Variants in ZNF227 observed in about 807,000 individuals in gnomAD.
The protein encoded by ZNF227 is zinc finger protein 227.
ZNF227 carries 12 observed loss-of-function variants against 13.2 expected under a neutral mutation model. The ratio of observed to expected loss-of-function variants is 0.91; its 90% confidence interval spans 0.58 to 1.47. The LOEUF is 1.47. Among genes scored for constraint, ZNF227 ranks in the 40% most tolerant of loss-of-function variants. The probability of loss-of-function intolerance (pLI) is 0.00; values close to 1 mark genes in which losing one functional copy is unlikely to be tolerated. For synonymous variants in ZNF227, 338 were observed against 326.0 expected (o/e 1.04, Z -0.40); for missense variants, 885 against 967.5 (o/e 0.91, Z 1.13).
At chr19:44,209,722 G>T (rs989094323), upstream of ZNF227, among the ~76,000 whole-genome samples, 1 of 152,178 alleles carries the variant, frequency 6.6e-6, no homozygotes, top group Admixed American at 6.5e-5. Flanking sequence ...GAGTAGCTGG[G>T]ACTACAGGCG....
At chr19:44,232,962 TGCCTG>T (rs531557803) in intron 5 of ZNF227, among the ~76,000 whole-genome samples, 42 of 152,250 alleles carry the variant, frequency 2.8e-4, no homozygotes, top group Non-Finnish European at 5.0e-4. Context: ...TGAGCCACTG[TGCCTG>T]GCCTGTAAAT....
At chr19:44,211,926 C>T (rs1272758752), upstream of ZNF227, among the ~76,000 whole-genome samples, 1 of 135,844 alleles carries the variant, frequency 7.4e-6, no homozygotes, top group Non-Finnish European at 1.5e-5. Context: ...GACAGAGTCT[C>T]ACTCTGTCGC....
At position 44,236,367 on chromosome 19, in the gene ZNF227, G is replaced by GTCTTCAA. The variant is rs1203855190; in HGVS notation, c.1940_1946dup (p.His650SerfsTer16). 1 of 1,613,752 alleles carries GTCTTCAA rather than the reference G, an allele frequency of 6.2e-7. No individual in the cohort carries two copies. The highest frequency in any genetic ancestry group is 8.5e-7 in the Non-Finnish European group (1 of 1,179,924). On this transcript the variant is annotated frameshift_variant, in exon 6 of 6. Transcript: ENST00000313040. LOFTEE classifies it low-confidence loss of function (END_TRUNC). Reference sequence around the variant, plus strand: ...GGTAAGGGCTTCAGTCAGTCCTCTGGTCTTCAATCCCATCAGAGAGTCCAC... The same window carrying GTCTTCAA: ...GGTAAGGGCTTCAGTCAGTCCTCTGGTCTTCAATCTTCAATCCCATCAGAGAGTCCAC...
In ZNF227 at chr19:44,235,643, G is replaced by A; in HGVS notation, c.1213G>A (p.Glu405Lys). The part of the protein sequence containing the change: ...LRVHQRVHRG[E>K]KPYKCEECGK... ...TGTTCACCAGAGGGTCCACAGGGGT[G>A]AGAAGCCCTATAAATGTGAGGAATG... The change falls in exon 6 of 6, where the codon GAG (glutamate) becomes AAG (lysine). Residue 405 changes from glutamate (E) to lysine (K), a missense_variant. Transcript: ENST00000313040. 6.2e-6 allele frequency: 10 copies of A among 1,614,152 alleles called. No homozygotes were observed. Among genetic ancestry groups the A allele is most frequent in the Non-Finnish European group, 8.5e-6 (10 of 1,180,038 alleles).
rs750175765 is a variant in ZNF227, at chr19:44,236,630, C to T, written c.2200C>T (p.His734Tyr). 2.5e-6 allele frequency: 4 copies of T among 1,613,988 alleles called. No homozygotes were observed. The highest frequency in any genetic ancestry group is 3.4e-6 in the Non-Finnish European group (4 of 1,180,016). ...AFSLPSNLRV[H>Y]LGVHTREKLF... The stretch of plus-strand genomic sequence containing the variant: ...CAGTCTCCCCTCAAATCTTCGAGTC[C>T]ACCTGGGTGTTCACACCAGGGAAAA... The change falls in exon 6 of 6, where the codon CAC becomes TAC. Residue 734 changes from histidine (H) to tyrosine (Y), a missense_variant. Coordinates refer to ENST00000313040, the MANE Select transcript of ZNF227 (RefSeq NM_182490.3).
chr19:44,231,300 A>G (rs1338975604), intron 5 of ZNF227, among the ~76,000 whole-genome samples: 1 of 151,864 alleles, frequency 6.6e-6, no homozygotes, highest in East Asian at 1.9e-4. Flanking sequence ...TTTTTAATAG[A>G]GATGGGGTTT....
chr19:44,234,708 A>C lies in ZNF227; in HGVS notation c.278A>C (p.Lys93Thr), dbSNP rs1179980466. 1 of 1,580,442 alleles carries C rather than the reference A, an allele frequency of 6.3e-7. No individual in the cohort carries two copies. The highest frequency in any genetic ancestry group is 1.4e-5 in the African/African-American group (1 of 72,854). Residue 93 changes from lysine (K) to threonine (T), a missense_variant, in exon 6 of 6, where the codon AAG becomes ACG. Transcript: ENST00000313040. ...MMETETQRSS[K>T]HQNKMETLQK... ...CTTTTTTCTTTTTTAATAGGCAGCA[A>C]GCATCAAAATAAGATGGAAACACTC...
chr19:44,235,986 G>A lies in ZNF227; in HGVS notation c.1556G>A (p.Arg519Gln), dbSNP rs781512593. 1.4e-5 allele frequency: 23 copies of A among 1,611,730 alleles called. No homozygotes were observed. Among genetic ancestry groups the A allele is most frequent in the Non-Finnish European group, 1.8e-5 (21 of 1,179,576 alleles). Residue 519 changes from arginine to glutamine, a missense_variant, in exon 6 of 6, where the codon CGA (arginine) becomes CAA (glutamine). By Grantham distance (43) the Arg-to-Gln change is conservative. Coordinates refer to ENST00000313040, the MANE Select transcript of ZNF227 (RefSeq NM_182490.3). ...VHQNVHTGEKRFKCETCGKGF... is the reference protein window; with the variant it reads ...VHQNVHTGEKQFKCETCGKGF... The stretch of plus-strand genomic sequence containing the variant: ...CAGAATGTCCACACTGGGGAGAAAC[G>A]ATTCAAGTGTGAAACGTGTGGGAAG...
rs760177795 is a variant in ZNF227, at chr19:44,235,365, A to G, written c.935A>G (p.His312Arg). ...SGDCFNKSSF[H>R]SYQSNHTGEK... ...GATTGCTTCAATAAGAGCTCTTTTC[A>G]TTCTTATCAATCTAATCATACAGGA... Residue 312 changes from histidine to arginine, a missense_variant, in exon 6 of 6, where the codon CAT becomes CGT. Coordinates refer to ENST00000313040, the MANE Select transcript of ZNF227 (RefSeq NM_182490.3). 6 of 1,614,120 alleles carry G rather than the reference A, an allele frequency of 3.7e-6. No individual in the cohort carries two copies. The highest frequency in any genetic ancestry group is 5.1e-6 in the Non-Finnish European group (6 of 1,180,054).
Position 44,235,212 on chromosome 19 carries a change from A to G in ZNF227, c.782A>G (p.Tyr261Cys). 6.2e-7 allele frequency: 1 copy of G among 1,614,150 alleles called. No individual in the cohort carries two copies. The highest frequency in any genetic ancestry group is 8.5e-7 in the Non-Finnish European group (1 of 1,180,010). The change falls in exon 6 of 6, where the codon TAT becomes TGT. Residue 261 changes from tyrosine (Y) to cysteine (C), a missense_variant. By Grantham distance (194) the Tyr-to-Cys change is radical (BLOSUM62 -2). Transcript: ENST00000313040. ...PCGECGRGFSYSPRLPLHPNV... is the reference protein window; with the variant it reads ...PCGECGRGFSCSPRLPLHPNV... ...GGTGAGTGTGGAAGGGGCTTCAGTT[A>G]TAGCCCAAGGCTTCCCCTTCATCCG...
rs1325502543 is a variant in ZNF227, at chr19:44,236,992, T to C, written c.*162T>C. 1.7e-6 allele frequency: 1 copy of C among 605,642 alleles called. No homozygotes were observed. The highest frequency in any genetic ancestry group is 2.8e-5 in the East Asian group (1 of 35,352). 37.5% of individuals were successfully genotyped at this position (605,642 alleles called of 1,614,324 possible). On this transcript the variant is annotated 3_prime_UTR_variant, in exon 6 of 6. Coordinates refer to ENST00000313040, the MANE Select transcript of ZNF227 (RefSeq NM_182490.3). ...CCATCAAGATGATAACACAGAACCA[T>C]GAACAGGAATAGAACTCGTATTTAG...
chr19:44,237,169 C>A lies in ZNF227; in HGVS notation c.*339C>A. Reference sequence around the variant, plus strand: ...GCCAGGGAGAGTTTTGGGTTATTATCCCTTTTCTTTAATTTTCATTTTATA... The same window carrying A: ...GCCAGGGAGAGTTTTGGGTTATTATACCTTTTCTTTAATTTTCATTTTATA... On this transcript the variant is annotated 3_prime_UTR_variant, in exon 6 of 6. Transcript: ENST00000313040. 1 of 201,848 alleles carries A rather than the reference C, an allele frequency of 5.0e-6. No individual in the cohort carries two copies. Among genetic ancestry groups the A allele is most frequent in the Non-Finnish European group, 1.0e-5 (1 of 100,380 alleles). 12.5% of individuals were successfully genotyped at this position (201,848 alleles called of 1,614,324 possible).
intron 2 of ZNF227, among the ~76,000 whole-genome samples, chr19:44,217,196 T>G (rs1971983843): frequency 6.6e-6 from 1 of 152,056 alleles, no homozygotes; most frequent in Non-Finnish European, 1.5e-5. Flanking sequence ...ACTTCTGACC[T>G]TATGTGATCC....
chr19:44,211,315 A>C (rs1164001606), upstream of ZNF227, among the ~76,000 whole-genome samples: 2 of 152,246 alleles, frequency 1.3e-5, no homozygotes, highest in Non-Finnish European at 2.9e-5. Context: ...TTCCTGGCAC[A>C]TACTTGGTTC....
intron 3 of ZNF227, among the ~76,000 whole-genome samples, chr19:44,227,775 C>T (rs1360849571): frequency 6.6e-6 from 1 of 152,142 alleles, no homozygotes; most frequent in Non-Finnish European, 1.5e-5. Context: ...AAAGGCAAAA[C>T]CTTGAAATTT....
intron 3 of ZNF227, among the ~76,000 whole-genome samples, chr19:44,222,197 G>A (rs1460042716): frequency 1.3e-5 from 2 of 152,060 alleles, no homozygotes; most frequent in Admixed American, 1.3e-4. Context: ...CAGGTAGCAT[G>A]ATGCCTCCAG....
At chr19:44,216,197 G>A (rs1434088572) in intron 2 of ZNF227, among the ~76,000 whole-genome samples, 1 of 150,434 alleles carries the variant, frequency 6.6e-6, no homozygotes, top group African/African-American at 2.5e-5. Flanking sequence ...GGGTTCACAT[G>A]GTTATAAATT....
intron 3 of ZNF227, among the ~76,000 whole-genome samples, chr19:44,221,460 G>A (rs1972505162): frequency 6.6e-6 from 1 of 152,182 alleles, no homozygotes; most frequent in Non-Finnish European, 1.5e-5. Flanking sequence ...CATTCTAACT[G>A]GTGTGAGATG....
intron 3 of ZNF227, among the ~76,000 whole-genome samples, chr19:44,222,457 TC>T (rs1295285009): frequency 5.3e-5 from 8 of 151,384 alleles, no homozygotes; most frequent in Admixed American, 2.6e-4. Flanking sequence ...GGTTTGTAGT[TC>T]TCCTTGAAGA....
Sources: allele counts gnomAD v4.1 joint callset (sites outside exome capture counted in the v4.1 genomes callset), GRCh38; gene constraint gnomAD v4.1.1; transcripts MANE v1.5; gene names NCBI Gene and HGNC (gene_info 2026-07-23, HGNC 2026-07-21).